SSUH2: variants seen among roughly 807,000 people sequenced by gnomAD.
SSUH2 encodes ssu-2 homolog, also known as protein SSUH2 homolog.
In SSUH2, 47 loss-of-function variants were observed where a neutral mutation model predicts 55.3. The observed-to-expected ratio is 0.85, with a 90% CI of 0.67 to 1.08. The LOEUF (loss-of-function observed/expected upper bound fraction) is 1.08. Among genes scored for constraint, SSUH2 ranks in the 50% least tolerant of loss-of-function variants. The pLI is 0.00. For synonymous variants in SSUH2, 212 were observed against 191.5 expected (o/e 1.11, Z -0.89); for missense variants, 535 against 490.7 (o/e 1.09, Z -0.85).
intron 7 of SSUH2, among the ~76,000 whole-genome samples, chr3:8,628,919 G>T (rs1000290352): frequency 6.6e-6 from 1 of 152,212 alleles, no homozygotes. Context: ...GCAGTGGCAC[G>T]TTCTCCGCTC....
chr3:8,679,274 C>A (rs1227644242), intron 2 of SSUH2, among the ~76,000 whole-genome samples: 2 of 81,224 alleles, frequency 2.5e-5, no homozygotes, highest in South Asian at 4.5e-4. Context: ...CTTTTAGGAC[C>A]CCCATCGGAG....
At position 8,676,375 on chromosome 3, in the gene SSUH2, C is replaced by T. The variant is rs539565616; in HGVS notation, c.-753+831G>A. Among the ~76,000 whole-genome samples, 15 of 151,676 alleles carry T rather than the reference C, an allele frequency of 9.9e-5. 1 individual carries two copies. The East Asian group carries it at 2.6e-3, about 27-fold the overall frequency. On this transcript the variant is annotated intron_variant, in intron 3 of 18. Transcript: ENST00000317371. ...CAATTAGAAACAATATCAGTGGGGG[C>T]GAGTCCACCTTCTGTCATATTGAAA...
Position 8,623,566 on chromosome 3 carries a change from C to T in SSUH2, c.964G>A (p.Ala322Thr), listed in dbSNP as rs1458716309. ...AEHSAALASR[A>T]RVLQQRQTIE... is the part of the protein sequence containing the mutation. The stretch of plus-strand genomic sequence containing the variant: ...TGGCTCACCTGCTGCAGGACGCGGG[C>T]ACGGGAGGCCAAGGCAGCGCTGTGC... The change falls in exon 11 of 12, where the codon GCC (alanine) becomes ACC (threonine). Residue 322 changes from alanine (A) to threonine (T), a missense_variant. Ala to Thr is a moderately conservative substitution (Grantham distance 58, BLOSUM62 0). Transcript: ENST00000544814. 6.5e-7 allele frequency: 1 copy of T among 1,550,136 alleles called. No homozygotes were observed. Among genetic ancestry groups the T allele is most frequent in the Non-Finnish European group, 8.7e-7 (1 of 1,145,914 alleles).
intron 1 of SSUH2, among the ~76,000 whole-genome samples, chr3:8,641,607 C>T (rs1019688191): frequency 2.0e-5 from 3 of 152,232 alleles, no homozygotes; most frequent in African/African-American, 7.2e-5. Flanking sequence ...GAACCACTAT[C>T]CCCCTCCCGA....
At chr3:8,674,867 G>C (rs58162553) in intron 3 of SSUH2, among the ~76,000 whole-genome samples, 22,341 of 133,136 alleles carry the variant, frequency 0.17, 1,801 homozygotes, top group East Asian at 0.26. Flanking sequence ...GGTGGCCAAG[G>C]GTCCGGGCGG....
intron 7 of SSUH2, among the ~76,000 whole-genome samples, chr3:8,628,991 G>A (rs1417766141): frequency 6.6e-6 from 1 of 152,224 alleles, no homozygotes; most frequent in East Asian, 1.9e-4. Context: ...GAGTAGCTGG[G>A]ACTACAGGCG....
intron 3 of SSUH2, chr3:8,634,383 A>G: frequency 7.7e-7 from 1 of 1,290,612 alleles, no homozygotes; most frequent in Non-Finnish European, 1.0e-6. Flanking sequence ...CCCTGAGGCC[A>G]TGCCACCCCC....
At chr3:8,674,977 C>T (rs923626878) in intron 3 of SSUH2, among the ~76,000 whole-genome samples, 2 of 152,146 alleles carry the variant, frequency 1.3e-5, no homozygotes, top group African/African-American at 2.4e-5. Context: ...TATCCAGGTC[C>T]GTCTCAAGCA....
chr3:8,647,404 TAAAC>T (rs1701822433), upstream of SSUH2, among the ~76,000 whole-genome samples: 1 of 152,154 alleles, frequency 6.6e-6, no homozygotes, highest in Non-Finnish European at 1.5e-5. Context: ...GCTTGGTGAT[TAAAC>T]AAAGTGGGGT....
intron 7 of SSUH2, among the ~76,000 whole-genome samples, chr3:8,653,189 T>A (rs569770552): frequency 1.4e-3 from 214 of 152,366 alleles, no homozygotes; most frequent in South Asian, 1.0e-3. Context: ...AGAAGGTCAA[T>A]GTTAATCACA....
At chr3:8,640,651 CAGAA>C (rs540081578) in intron 1 of SSUH2, among the ~76,000 whole-genome samples, 2 of 151,862 alleles carry the variant, frequency 1.3e-5, no homozygotes, top group Admixed American at 6.6e-5. Flanking sequence ...ACAAGGAGAA[CAGAA>C]AGAAAGAAGG....
chr3:8,647,653 C>A (rs1701875609), upstream of SSUH2, among the ~76,000 whole-genome samples: 1 of 152,176 alleles, frequency 6.6e-6, no homozygotes, highest in Non-Finnish European at 1.5e-5. Flanking sequence ...AGGTCTCACC[C>A]CACCATCTAC....
chr3:8,627,301 CA>C (rs1697792917), intron 8 of SSUH2: 1 of 176,986 alleles, frequency 5.7e-6, no homozygotes, highest in Non-Finnish European at 1.2e-5. Flanking sequence ...ATTCAGACCC[CA>C]AAATGAGTTA....
Position 8,681,008 on chromosome 3 carries a change from G to A in SSUH2, c.-1046+883C>T, listed in dbSNP as rs578212700. ...GCTCTTAGGACCCCCATCGCAGTGG[G>A]GGAGGCAACCTCCAAGTGGCGGGGA... On this transcript the variant is annotated intron_variant, in intron 1 of 18. Coordinates refer to the SSUH2 transcript ENST00000317371. 9.4e-4 allele frequency among the ~76,000 whole-genome samples: 142 copies of A among 150,936 alleles called. 1 individual carries two copies. The highest frequency in any genetic ancestry group is 3.4e-3 in the African/African-American group (140 of 41,354).
At chr3:8,657,234 C>G (rs1214796379) in intron 7 of SSUH2, among the ~76,000 whole-genome samples, 1 of 152,174 alleles carries the variant, frequency 6.6e-6, no homozygotes, top group Non-Finnish European at 1.5e-5. Flanking sequence ...CTGATTGACT[C>G]TAGACTTCAG....
intron 6 of SSUH2, among the ~76,000 whole-genome samples, chr3:8,661,639 T>A (rs532681071): frequency 6.6e-6 from 1 of 152,250 alleles, no homozygotes; most frequent in Admixed American, 6.5e-5. Flanking sequence ...AGCCAGACAA[T>A]CAAGGTTTTT....
In SSUH2 at chr3:8,679,383, A is replaced by G. The variant is rs7431309; in HGVS notation, c.-901+322T>C. Reference sequence around the variant, plus strand: ...ATCGCATTGGCGGGAGGCATCCCCCAGGAGGAGGGGACTGAGAGCCAGCCC... The same window carrying G: ...ATCGCATTGGCGGGAGGCATCCCCCGGGAGGAGGGGACTGAGAGCCAGCCC... On this transcript the variant is annotated intron_variant, in intron 2 of 18. Coordinates refer to the SSUH2 transcript ENST00000317371. Among the ~76,000 whole-genome samples, 156 of 67,398 alleles carry G rather than the reference A, an allele frequency of 2.3e-3. 12 individuals carry two copies. Among genetic ancestry groups the G allele is most frequent in the South Asian group, 3.6e-3 (7 of 1,938 alleles). 44.2% of individuals were successfully genotyped at this position (67,398 alleles called of 152,430 possible).
chr3:8,629,633 C>CTGACTCACCAGAGGTTCACAGA, intron 7 of SSUH2, 31 bp downstream of exon 7: 6 of 1,587,722 alleles, frequency 3.8e-6, no homozygotes, highest in Non-Finnish European at 5.2e-6. Context: ...CACACCCTCA[C>CTGACTCACCAGAGGTTCACAGA]TGACTCACCA....
intron 11 of SSUH2, among the ~76,000 whole-genome samples, chr3:8,621,889 A>G (rs552269838): frequency 3.8e-4 from 58 of 152,304 alleles, no homozygotes; most frequent in Non-Finnish European, 6.8e-4. Context: ...AGATTTTTCT[A>G]TTAAGATCCA....
Sources: allele counts gnomAD v4.1 joint callset (sites outside exome capture counted in the v4.1 genomes callset), GRCh38; gene constraint gnomAD v4.1.1; transcripts MANE v1.5; gene names NCBI Gene and HGNC (gene_info 2026-07-23, HGNC 2026-07-21).